CHCHD6: variants seen among roughly 807,000 people sequenced by gnomAD.
CHCHD6 encodes MICOS complex subunit MIC25.
A neutral mutation model predicts 32.3 loss-of-function variants in CHCHD6; 28 were observed. The ratio of observed to expected loss-of-function variants is 0.87; its 90% CI spans 0.64 to 1.19. CHCHD6 has a LOEUF of 1.19. CHCHD6 is among the 50% of genes most tolerant of loss of function. The probability of loss-of-function intolerance (pLI) is 0.00; values close to 1 mark genes in which losing one functional copy is unlikely to be tolerated. For synonymous variants in CHCHD6, 122 were observed against 117.5 expected (o/e 1.04, Z -0.25); for missense variants, 333 against 307.0 (o/e 1.08, Z -0.63).
chr3:126,802,263 T>C (rs1394583951), intron 4 of CHCHD6, among the ~76,000 whole-genome samples: 1 of 152,180 alleles, frequency 6.6e-6, no homozygotes, highest in East Asian at 1.9e-4. Flanking sequence ...ATCAAACTAC[T>C]GTGAGCTACA....
At chr3:126,888,063 A>T (rs2107576337) in intron 5 of CHCHD6, among the ~76,000 whole-genome samples, 1 of 152,306 alleles carries the variant, frequency 6.6e-6, no homozygotes, top group East Asian at 1.9e-4. Context: ...CCTCAGCCAG[A>T]GTCCTGCCTG....
intron 5 of CHCHD6, among the ~76,000 whole-genome samples, chr3:126,886,867 T>C (rs1047822834): frequency 6.6e-6 from 1 of 152,164 alleles, no homozygotes; most frequent in Non-Finnish European, 1.5e-5. Context: ...CTGTGGACTC[T>C]AGCAACACAG....
At chr3:126,854,979 A>G (rs1298795387) in intron 5 of CHCHD6, 3 of 152,142 alleles carry the variant, frequency 2.0e-5, no homozygotes, top group South Asian at 2.1e-4. Context: ...ATCCAGACTC[A>G]TTTTCAAGGA....
intron 4 of CHCHD6, among the ~76,000 whole-genome samples, chr3:126,752,914 A>G (rs1936787808): frequency 6.6e-6 from 1 of 151,912 alleles, no homozygotes; most frequent in Admixed American, 6.6e-5. Flanking sequence ...TGACTCCTCA[A>G]CCCCAGCTAC....
At chr3:126,892,658 C>G (rs186842967) in intron 5 of CHCHD6, among the ~76,000 whole-genome samples, 2 of 152,334 alleles carry the variant, frequency 1.3e-5, no homozygotes, top group African/African-American at 2.4e-5. Flanking sequence ...CATAAACCCC[C>G]CCTTCTCCAG....
intron 5 of CHCHD6, among the ~76,000 whole-genome samples, chr3:126,869,625 T>C (rs1396417952): frequency 6.6e-6 from 1 of 152,192 alleles, no homozygotes. Flanking sequence ...TTAGGCAGTT[T>C]GTCTTTTTCT....
At chr3:126,934,134 T>C (rs1402603123) in intron 6 of CHCHD6, among the ~76,000 whole-genome samples, 1 of 152,190 alleles carries the variant, frequency 6.6e-6, no homozygotes, top group East Asian at 1.9e-4. Context: ...GGTCTATGTG[T>C]AGACATATTT....
Position 126,766,680 on chromosome 3 carries a change from C to G in CHCHD6, c.411+33458C>G, listed in dbSNP as rs559467149. On this transcript the variant is annotated intron_variant, in intron 4 of 7. Coordinates refer to ENST00000290913, the MANE Select transcript of CHCHD6 (RefSeq NM_032343.3). Reference sequence around the variant, plus strand: ...TCTCGGTGGCCACAATGATGCTGCTCTTCCCACAAGCCAGGCTCTGGATTA... The same window carrying G: ...TCTCGGTGGCCACAATGATGCTGCTGTTCCCACAAGCCAGGCTCTGGATTA... 4.5e-5 allele frequency: 49 copies of G among 1,091,078 alleles called. No homozygotes were observed. The South Asian group carries it at 5.0e-4, about 11-fold the overall frequency. 67.6% of individuals were successfully genotyped at this position (1,091,078 alleles called of 1,614,324 possible).
intron 1 of CHCHD6, among the ~76,000 whole-genome samples, chr3:126,707,091 AC>A (rs1225021299): frequency 1.3e-5 from 2 of 151,956 alleles, no homozygotes; most frequent in Admixed American, 6.6e-5. Flanking sequence ...ACATGGTGAA[AC>A]CCTGCCTCTA....
At chr3:126,719,859 T>C (rs533824410) in intron 1 of CHCHD6, among the ~76,000 whole-genome samples, 39 of 152,080 alleles carry the variant, frequency 2.6e-4, no homozygotes, top group African/African-American at 8.2e-4. Context: ...GCTCCTTGCC[T>C]GGGCTGCACT....
At chr3:126,945,375 A>T (rs1326588861) in intron 6 of CHCHD6, among the ~76,000 whole-genome samples, 1 of 151,926 alleles carries the variant, frequency 6.6e-6, no homozygotes, top group Non-Finnish European at 1.5e-5. Context: ...AGATCCCTCT[A>T]GTTGATGTCA....
chr3:126,709,362 G>C (rs1934647637), intron 1 of CHCHD6, among the ~76,000 whole-genome samples: 1 of 152,074 alleles, frequency 6.6e-6, no homozygotes, highest in African/African-American at 2.4e-5. Flanking sequence ...ACTGCATTTG[G>C]CTTATTCAGT....
In CHCHD6 at chr3:126,791,727, A is replaced by G. The variant is rs555020595; in HGVS notation, c.411+58505A>G. On this transcript the variant is annotated intron_variant, in intron 4 of 7. Transcript: ENST00000290913. ...CAGGTTCAAGAGATTCTCCTGCCTC[A>G]GCCTCCCAAGTAGCTGGGATTACAG... 1.6e-4 allele frequency among the ~76,000 whole-genome samples: 24 copies of G among 152,346 alleles called. 1 individual carries two copies. The East Asian group carries it at 4.4e-3, about 28-fold the overall frequency.
chr3:126,957,896 G>GT, intron 7 of CHCHD6: 1 of 399,064 alleles, frequency 2.5e-6, no homozygotes, highest in South Asian at 2.3e-5. Context: ...GCACTTAGGG[G>GT]TGGGAGGGTG....
chr3:126,769,769 G>A (rs1181474571), intron 4 of CHCHD6, among the ~76,000 whole-genome samples: 3 of 152,148 alleles, frequency 2.0e-5, no homozygotes, highest in Admixed American at 2.0e-4. Context: ...GCCTCCCAAA[G>A]TGCTGAGATT....
chr3:126,739,614 T>G (rs1405020786), intron 4 of CHCHD6, among the ~76,000 whole-genome samples: 1 of 152,264 alleles, frequency 6.6e-6, no homozygotes, highest in Admixed American at 6.5e-5. Flanking sequence ...ATTTGACAAC[T>G]TCAGTCTTCT....
intron 4 of CHCHD6, among the ~76,000 whole-genome samples, chr3:126,823,387 T>C (rs1387294881): frequency 3.3e-5 from 5 of 152,242 alleles, no homozygotes; most frequent in Non-Finnish European, 5.9e-5. Flanking sequence ...ATTATATGTA[T>C]ATCCATTTGT....
intron 1 of CHCHD6, among the ~76,000 whole-genome samples, chr3:126,712,914 C>A (rs575404244): frequency 2.6e-5 from 4 of 152,336 alleles, no homozygotes; most frequent in Non-Finnish European, 5.9e-5. Context: ...ACCCTTGTCT[C>A]TTCTGTTGTG....
chr3:126,956,441 C>G (rs2078784275), intron 6 of CHCHD6, among the ~76,000 whole-genome samples: 1 of 152,260 alleles, frequency 6.6e-6, no homozygotes, highest in Non-Finnish European at 1.5e-5. Context: ...CCTTAATTCT[C>G]TGAGCCTCAG....
Sources: gnomAD v4.1 joint callset for allele counts (sites outside exome capture counted in the v4.1 genomes callset) on GRCh38, gnomAD v4.1.1 for gene constraint, MANE v1.5 for transcripts, NCBI Gene and HGNC (gene_info 2026-07-23, HGNC 2026-07-21) for gene names.